Variants in BLNK observed in about 807,000 individuals in gnomAD.
BLNK encodes the protein B cell linker.
A neutral mutation model predicts 73.5 loss-of-function variants in BLNK; 29 were observed. That is an observed-to-expected ratio of 0.39 (90% CI 0.29 to 0.54). The LOEUF (loss-of-function observed/expected upper bound fraction) is 0.54. Among genes scored for constraint, BLNK ranks in the 20% least tolerant of loss-of-function variants. BLNK has a pLI of 0.61. For missense variants in BLNK, 460 were observed against 562.8 expected, an observed-to-expected ratio of 0.82 and a Z score of 1.85; for synonymous variants, 176 against 200.8, an observed-to-expected ratio of 0.88 and a Z score of 1.04.
intron 6 of BLNK, among the ~76,000 whole-genome samples, chr10:96,218,925 G>A (rs2084130196): frequency 1.3e-5 from 2 of 152,186 alleles, no homozygotes; most frequent in African/African-American, 4.8e-5. Context: ...AGATGATCTG[G>A]CTGAGGGAGA....
At position 96,189,558 on chromosome 10, in the gene BLNK, T is replaced by C; in HGVS notation, c.*2415A>G. ...TGTTTTACGAGTTTTTTCCTGTTTT[T>C]TGAAGGATTCTTGTCCTTTTAATCT... is the stretch of plus-strand genomic sequence containing the variant. On this transcript the variant is annotated 3_prime_UTR_variant, in exon 17 of 17. Transcript: ENST00000224337. 4 of 666,078 alleles carry C rather than the reference T, an allele frequency of 6.0e-6. No homozygotes were observed. Among genetic ancestry groups the C allele is most frequent in the South Asian group, 5.5e-5 (4 of 72,078 alleles). 41.3% of individuals were successfully genotyped at this position (666,078 alleles called of 1,614,324 possible).
intron 1 of BLNK, among the ~76,000 whole-genome samples, chr10:96,248,799 T>TA (rs531422357): frequency 6.6e-6 from 1 of 151,928 alleles, no homozygotes; most frequent in Non-Finnish European, 1.5e-5. Context: ...CACAGACCCC[T>TA]AAAAAAAAGA....
intron 1 of BLNK, among the ~76,000 whole-genome samples, chr10:96,266,385 A>AATC (rs1203331508): frequency 6.6e-6 from 1 of 152,234 alleles, no homozygotes; most frequent in African/African-American, 2.4e-5. Flanking sequence ...CATGGTACAC[A>AATC]ATCACTGGGT....
intron 1 of BLNK, among the ~76,000 whole-genome samples, chr10:96,268,628 G>A (rs1844122032): frequency 6.6e-6 from 1 of 152,026 alleles, no homozygotes; most frequent in Non-Finnish European, 1.5e-5. Flanking sequence ...TCCCCACTGG[G>A]TTCATCCAGA....
rs782767942 is a variant in BLNK at position 96,204,538 on chromosome 10, G to A, written c.896C>T (p.Ala299Val). The A allele has an allele frequency of 6.8e-6, 11 of 1,613,848 alleles. No homozygotes were observed. In the East Asian group the frequency reaches 1.1e-4, roughly 16 times the overall value. The change falls in exon 12 of 17, where the codon GCC becomes GTC. Residue 299 changes from alanine to valine, a missense_variant. Physicochemically the swap from Ala to Val is moderately conservative, Grantham distance 64. Coordinates refer to ENST00000224337, the MANE Select transcript of BLNK (RefSeq NM_013314.4). The stretch of plus-strand genomic sequence containing the variant: ...TAAAGGAAAGGATTCTTACTTCTGG[G>A]CAGGAGGAAACACTGGTGACTGCAC... ...EAVQSPVFPP[A>V]QKQIHQKPIP...
At chr10:96,257,297 G>A (rs1374815679) in intron 1 of BLNK, among the ~76,000 whole-genome samples, 3 of 152,194 alleles carry the variant, frequency 2.0e-5, no homozygotes, top group Non-Finnish European at 2.9e-5. Flanking sequence ...TCCTCGGGGT[G>A]TGTCATGATG....
intron 6 of BLNK, 58 bp from the exon 7 acceptor site, chr10:96,216,792 G>T (rs2084077248): frequency 1.4e-6 from 2 of 1,395,908 alleles, no homozygotes; most frequent in Non-Finnish European, 2.0e-6. Context: ...TTGACTGTAT[G>T]GGAGGGAGTG....
intron 6 of BLNK, among the ~76,000 whole-genome samples, chr10:96,220,998 A>G (rs1214305147): frequency 6.6e-6 from 1 of 152,234 alleles, no homozygotes; most frequent in Non-Finnish European, 1.5e-5. Context: ...AAATGCCCAC[A>G]TGGGCTGCAT....
At chr10:96,198,732 C>G (rs1227292196) in intron 15 of BLNK, among the ~76,000 whole-genome samples, 1 of 152,210 alleles carries the variant, frequency 6.6e-6, no homozygotes, top group Non-Finnish European at 1.5e-5. Flanking sequence ...CAGTCTCACT[C>G]TTGTTGCCCA....
At chr10:96,223,759 G>A in intron 6 of BLNK, 67 bp downstream of exon 6, 1 of 1,576,994 alleles carries the variant, frequency 6.3e-7, no homozygotes, top group Non-Finnish European at 8.7e-7. Context: ...CAGCGGGCAG[G>A]CTGTCCTGGT....
chr10:96,247,659 C>T (rs572371192), intron 1 of BLNK, among the ~76,000 whole-genome samples: 16 of 152,174 alleles, frequency 1.1e-4, no homozygotes, highest in Non-Finnish European at 2.1e-4. Context: ...ACAAAAGGAT[C>T]AGAGGCTACT....
intron 4 of BLNK, among the ~76,000 whole-genome samples, chr10:96,228,352 G>C (rs1842361743): frequency 6.6e-6 from 1 of 152,100 alleles, no homozygotes; most frequent in Non-Finnish European, 1.5e-5. Context: ...CTACTTCCTG[G>C]GTTCAAGTTA....
chr10:96,201,392 G>A (rs587622667), intron 13 of BLNK, among the ~76,000 whole-genome samples: 2 of 152,146 alleles, frequency 1.3e-5, no homozygotes, highest in Non-Finnish European at 2.9e-5. Flanking sequence ...ATACATTAAA[G>A]AGATTTACAA....
chr10:96,206,906 A>C, intron 11 of BLNK, 105 bp downstream of exon 11: 3 of 1,238,528 alleles, frequency 2.4e-6, no homozygotes, highest in Non-Finnish European at 3.5e-6. Flanking sequence ...ATTGAGTTTC[A>C]TGTTTACAAT....
At chr10:96,236,747 G>C (rs587625411) in intron 3 of BLNK, among the ~76,000 whole-genome samples, 3 of 152,276 alleles carry the variant, frequency 2.0e-5, no homozygotes, top group African/African-American at 7.2e-5. Context: ...GATCACTTGA[G>C]CCCAGGAGGT....
At chr10:96,193,181 T>C (rs1446475328) in intron 16 of BLNK, among the ~76,000 whole-genome samples, 2 of 152,256 alleles carry the variant, frequency 1.3e-5, no homozygotes, top group Non-Finnish European at 2.9e-5. Context: ...CTTTACTTCC[T>C]ATTCAATCAT....
chr10:96,246,940 G>A, intron 2 of BLNK, 44 bp downstream of exon 2: 1 of 1,412,084 alleles, frequency 7.1e-7, no homozygotes, highest in Non-Finnish European at 9.9e-7. Flanking sequence ...AGCACATGTT[G>A]ACTTATTTTA....
At chr10:96,267,715 G>A (rs1844073702) in intron 1 of BLNK, among the ~76,000 whole-genome samples, 1 of 152,164 alleles carries the variant, frequency 6.6e-6, no homozygotes, top group African/African-American at 2.4e-5. Flanking sequence ...AAAGCCAAGT[G>A]TCACAGATGT....
rs80006324 is a variant in BLNK at position 96,220,333 on chromosome 10, C to T, written c.525+3493G>A. Among the ~76,000 whole-genome samples, 134 of 152,228 alleles carry T rather than the reference C, an allele frequency of 8.8e-4. 1 individual carries two copies. The East Asian group carries it at 0.023, about 26-fold the overall frequency. On this transcript the variant is annotated intron_variant, in intron 6 of 16. Transcript: ENST00000224337. ...AACCCCAGGTATTTACCCCAGACAA[C>T]GATGCCACTTCAATGATATTTCTGG...
Sources: allele counts gnomAD v4.1 joint callset (sites outside exome capture counted in the v4.1 genomes callset), GRCh38; gene constraint gnomAD v4.1.1; transcripts MANE v1.5; gene names NCBI Gene and HGNC (gene_info 2026-07-23, HGNC 2026-07-21).